VPS13B: variants seen among roughly 807,000 people sequenced by gnomAD.
VPS13B encodes the protein vacuolar protein sorting 13 homolog B.
VPS13B carries 285 observed loss-of-function variants against 426.4 expected under a neutral mutation model. The ratio of observed to expected loss-of-function variants is 0.67; its 90% CI spans 0.61 to 0.74. The LOEUF (loss-of-function observed/expected upper bound fraction) is 0.74. Ranked by LOEUF, VPS13B falls within the 30% of genes least tolerant of loss-of-function variation. VPS13B has a pLI of 0.00. For missense variants in VPS13B, 4,537 were observed against 4,782.6 expected, an observed-to-expected ratio of 0.95 and a Z score of 1.51; for synonymous variants, 1,676 against 1,676.4, an observed-to-expected ratio of 1.00 and a Z score of 0.01.
chr8:99,424,522 A>G (rs986268859), intron 21 of VPS13B: 23 of 152,344 alleles, frequency 1.5e-4, no homozygotes, highest in African/African-American at 5.5e-4. Flanking sequence ...GAGAACAAAG[A>G]CACAACATAC....
At position 99,642,030 on chromosome 8, in the gene VPS13B, ATATT is replaced by A; in HGVS notation, c.5445_5448del (p.Phe1815LeufsTer8). 1 of 1,614,056 alleles carries A rather than the reference ATATT, an allele frequency of 6.2e-7. No homozygotes were observed. Among genetic ancestry groups the A allele is most frequent in the Non-Finnish European group, 8.5e-7 (1 of 1,179,990 alleles). Reference sequence around the variant, plus strand: ...AAATCTAAATTTTATTCCCTTTGACATATTTATTACTGCAAGTAGAATCTCACTA... The same window carrying A: ...AAATCTAAATTTTATTCCCTTTGACATATTACTGCAAGTAGAATCTCACTA... On this transcript the variant is annotated frameshift_variant, in exon 34 of 62. Coordinates refer to ENST00000357162, the MANE Select transcript of VPS13B (RefSeq NM_152564.5). LOFTEE classifies it high-confidence loss of function.
chr8:99,583,583 A>G lies in VPS13B; in HGVS notation c.5220+5950A>G, dbSNP rs1826175915. Among the ~76,000 whole-genome samples the G allele has an allele frequency of 2.0e-5, 3 of 152,214 alleles. 1 individual carries two copies. Among genetic ancestry groups the G allele is most frequent in the Admixed American group, 1.3e-4 (2 of 15,274 alleles). On this transcript the variant is annotated intron_variant, in intron 33 of 61. Coordinates refer to ENST00000357162, the MANE Select transcript of VPS13B (RefSeq NM_152564.5). ...TTTGTAGTTGTGCTTCATTTTAGGCATAGAAATTCTTGTCTTTTAGTAGAA... is the reference window on the plus strand; with the variant it reads ...TTTGTAGTTGTGCTTCATTTTAGGCGTAGAAATTCTTGTCTTTTAGTAGAA...
At chr8:99,314,809 G>C (rs1387366275) in intron 19 of VPS13B, among the ~76,000 whole-genome samples, 1 of 152,164 alleles carries the variant, frequency 6.6e-6, no homozygotes, top group Admixed American at 6.5e-5. Flanking sequence ...TTGGTGTTGG[G>C]TGCATATATG....
At chr8:99,822,281 A>C (rs1358432931) in intron 50 of VPS13B, among the ~76,000 whole-genome samples, 1 of 152,210 alleles carries the variant, frequency 6.6e-6, no homozygotes, top group African/African-American at 2.4e-5. Flanking sequence ...GTGTCTTTGA[A>C]AAGTCTTTTG....
At chr8:99,776,015 G>A (rs867777180) in intron 40 of VPS13B, among the ~76,000 whole-genome samples, 3 of 152,164 alleles carry the variant, frequency 2.0e-5, no homozygotes, top group Admixed American at 6.5e-5. Flanking sequence ...TCTGGATATG[G>A]TCATAACTTT....
chr8:99,665,677 T>C (rs1174603822), intron 35 of VPS13B, among the ~76,000 whole-genome samples: 1 of 152,210 alleles, frequency 6.6e-6, no homozygotes, highest in African/African-American at 2.4e-5. Context: ...CATTGGTCTA[T>C]AGCTCTGTTT....
intron 3 of VPS13B, among the ~76,000 whole-genome samples, chr8:99,090,298 C>G (rs189982611): frequency 6.8e-6 from 1 of 146,624 alleles, no homozygotes; most frequent in East Asian, 2.0e-4. Context: ...CACAGAGTCT[C>G]TCTCTGTCAC....
At chr8:99,080,134 T>A (rs1845364571) in intron 3 of VPS13B, among the ~76,000 whole-genome samples, 2 of 151,690 alleles carry the variant, frequency 1.3e-5, no homozygotes, top group South Asian at 4.1e-4. Context: ...TTATTCAGAA[T>A]ACTTAATTTT....
chr8:99,568,620 A>T (rs926127752), intron 31 of VPS13B, among the ~76,000 whole-genome samples: 1 of 151,788 alleles, frequency 6.6e-6, no homozygotes, highest in African/African-American at 2.4e-5. Context: ...TTCCTATAGG[A>T]TTTAAATTAT....
rs1817806948 is a variant in VPS13B at position 99,257,477 on chromosome 8, C to T, written c.2516-16721C>T. 2.0e-5 allele frequency among the ~76,000 whole-genome samples: 3 copies of T among 152,124 alleles called. No individual in the cohort carries two copies. In the South Asian group the frequency reaches 6.2e-4, roughly 31 times the overall value. ...ACTAAAGAAAGGAGAATAATCTGTG[C>T]ATAGTGAGTAATGTACTCATTTTTA... On this transcript the variant is annotated intron_variant, in intron 17 of 61. Coordinates refer to ENST00000357162, the MANE Select transcript of VPS13B (RefSeq NM_152564.5).
At chr8:99,501,922 C>CCCTCCCTTCCTT (rs1563764227) in intron 26 of VPS13B, 64 bp downstream of exon 26, 3 of 1,411,266 alleles carry the variant, frequency 2.1e-6, no homozygotes, top group Non-Finnish European at 2.9e-6. Flanking sequence ...CTCCCTCCCT[C>CCCTCCCTTCCTT]CCTCCCTTCC....
chr8:99,559,624 T>G (rs1416556925), intron 31 of VPS13B, among the ~76,000 whole-genome samples: 2 of 152,216 alleles, frequency 1.3e-5, no homozygotes, highest in African/African-American at 4.8e-5. Flanking sequence ...TTTCTACATA[T>G]GGCTAGCCAG....
chr8:99,521,590 A>G (rs112053382), intron 30 of VPS13B, among the ~76,000 whole-genome samples: 4,375 of 152,338 alleles, frequency 0.029, 85 homozygotes, highest in Non-Finnish European at 0.041. Context: ...TCAACATGAT[A>G]AAAATAATAT....
At chr8:99,427,935 A>G (rs1816821875) in intron 21 of VPS13B, among the ~76,000 whole-genome samples, 1 of 152,184 alleles carries the variant, frequency 6.6e-6, no homozygotes, top group Non-Finnish European at 1.5e-5. Context: ...GTACCAAAAC[A>G]GAGATATAGA....
At chr8:99,645,750 A>G (rs12550139) in intron 34 of VPS13B, among the ~76,000 whole-genome samples, 20,844 of 152,202 alleles carry the variant, frequency 0.14, 1,978 homozygotes, top group East Asian at 0.39. Flanking sequence ...TATAAGTTTT[A>G]TTAAATGTTA....
In VPS13B at chr8:99,391,568, A is replaced by C; in HGVS notation, c.2946A>C (p.Val982=). ...TSRHMQQQPV[V]AVPLVMPVCR... is the part of the protein sequence containing the mutation. ...TTGTCTCTTTCCAGCAGCCTGTGGTAGCTGTTCCTCTTGTTATGCCAGTTT... is the reference window on the plus strand; with the variant it reads ...TTGTCTCTTTCCAGCAGCCTGTGGTCGCTGTTCCTCTTGTTATGCCAGTTT... Residue 982 remains valine, a synonymous_variant, in exon 21 of 62, where the codon GTA becomes GTC. Coordinates refer to ENST00000357162, the MANE Select transcript of VPS13B (RefSeq NM_152564.5). 1 of 1,614,204 alleles carries C rather than the reference A, an allele frequency of 6.2e-7. No homozygotes were observed. Among genetic ancestry groups the C allele is most frequent in the Non-Finnish European group, 8.5e-7 (1 of 1,180,028 alleles).
chr8:99,270,129 A>ATTTTTTTTTTTTTTTT (rs1370378172), intron 17 of VPS13B, among the ~76,000 whole-genome samples: 14 of 16,830 alleles, frequency 8.3e-4, no homozygotes, highest in Admixed American at 1.9e-3. Flanking sequence ...AGATATAAGA[A>ATTTTTTTTTTTTTTTT]TCTTTTTTTT....
chr8:99,396,247 C>T (rs1563706835), intron 21 of VPS13B, among the ~76,000 whole-genome samples: 1 of 151,472 alleles, frequency 6.6e-6, no homozygotes, highest in Non-Finnish European at 1.5e-5. Context: ...TATATGTATA[C>T]ATATATATAT....
chr8:99,091,048 T>C (rs1202950785), intron 3 of VPS13B, among the ~76,000 whole-genome samples: 1 of 152,164 alleles, frequency 6.6e-6, no homozygotes, highest in East Asian at 1.9e-4. Flanking sequence ...TTTCATAACA[T>C]GTTTTGCAAT....
Sources: gnomAD v4.1 joint callset for allele counts (sites outside exome capture counted in the v4.1 genomes callset) on GRCh38, gnomAD v4.1.1 for gene constraint, MANE v1.5 for transcripts, NCBI Gene and HGNC (gene_info 2026-07-23, HGNC 2026-07-21) for gene names.